POU6F1: variants seen among roughly 807,000 people sequenced by gnomAD.
The protein encoded by POU6F1 is POU domain, class 6, transcription factor 1.
In POU6F1, 9 loss-of-function variants were observed where a neutral mutation model predicts 28.9. The observed-to-expected ratio is 0.31, with a 90% CI of 0.19 to 0.54. POU6F1 has a LOEUF of 0.54. Among genes scored for constraint, POU6F1 ranks in the 20% least tolerant of loss-of-function variants. POU6F1 has a pLI of 0.94. For missense variants in POU6F1, 338 were observed against 426.1 expected, an observed-to-expected ratio of 0.79 and a Z score of 1.82; for synonymous variants, 173 against 171.1, an observed-to-expected ratio of 1.01 and a Z score of -0.09.
chr12:51,215,245 T>C (rs1944222084), intron 1 of POU6F1, among the ~76,000 whole-genome samples: 1 of 151,944 alleles, frequency 6.6e-6, no homozygotes, highest in Non-Finnish European at 1.5e-5. Flanking sequence ...CTGGGGCTAC[T>C]TAAAAATGAT....
rs1052460969 is a variant in POU6F1, at chr12:51,206,820, C to T, written c.17G>A (p.Gly6Glu). MDPGA[G>E]SETSLTVNEQ... The stretch of plus-strand genomic sequence containing the variant: ...ATTGACAGTCAGAGATGTCTCTGAC[C>T]CGGCTCCAGGATCCATGGTCACTTG... The change falls in exon 2 of 11, where the codon GGG (glycine) becomes GAG (glutamate). Residue 6 changes from glycine (G) to glutamate (E), a missense_variant. Physicochemically the swap from Gly to Glu is moderately conservative, Grantham distance 98 (BLOSUM62 -2). Around this residue, in one of 3 missense-constraint regions of POU6F1, gnomAD observed 206 missense variants for 225.6 expected, o/e 0.91. Coordinates refer to ENST00000333640, the MANE Select transcript of POU6F1 (RefSeq NM_001330422.2). 2.8e-5 allele frequency: 11 copies of T among 398,708 alleles called. No homozygotes were observed. The highest frequency in any genetic ancestry group is 4.4e-5 in the Non-Finnish European group (10 of 226,060). 24.7% of individuals were successfully genotyped at this position (398,708 alleles called of 1,614,324 possible).
At position 51,187,213 on chromosome 12, in the gene POU6F1, G is replaced by C. The variant is rs1301889478; in HGVS notation, c.*3034C>G. The stretch of plus-strand genomic sequence containing the variant: ...GAGTTCTTTCCCTGGACTTCACCTG[G>C]ATAAAATGCCGTGGTAATGCAGGGT... On this transcript the variant is annotated 3_prime_UTR_variant, in exon 11 of 11. Transcript: ENST00000333640. 6.6e-6 allele frequency: 1 copy of C among 152,196 alleles called. No individual in the cohort carries two copies. Among genetic ancestry groups the C allele is most frequent in the Non-Finnish European group, 1.5e-5 (1 of 68,040 alleles). The allele number at this position is 152,196 out of a possible 1,614,324, so 9.4% of individuals were successfully genotyped here. A position where few individuals can be genotyped will look rare whatever the true frequency, so the allele number is the denominator to read the frequency against.
chr12:51,204,488 A>G (rs1398897352), intron 2 of POU6F1, 120 bp from the exon 3 acceptor site: 1 of 397,160 alleles, frequency 2.5e-6, no homozygotes, highest in Non-Finnish European at 4.4e-6. Flanking sequence ...CCTCCTGTCC[A>G]GAGGGCTGTG....
chr12:51,214,057 C>T (rs974776917), intron 1 of POU6F1, among the ~76,000 whole-genome samples: 13 of 151,896 alleles, frequency 8.6e-5, no homozygotes, highest in Non-Finnish European at 1.3e-4. Flanking sequence ...GCAGGAGAAT[C>T]GCTTGAACCG....
rs376522286 is a variant in POU6F1, at chr12:51,192,486, A to C, written c.1180-15T>G. On this transcript the variant is annotated splice_polypyrimidine_tract_variant and intron_variant, in intron 8 of 10. Coordinates refer to ENST00000333640, the MANE Select transcript of POU6F1 (RefSeq NM_001330422.2). The stretch of plus-strand genomic sequence containing the variant: ...ATGGGCTGCACCTGTGAAAGGACAG[A>C]CAACAAGCCTTTGCTGCCCTCTGCC... 14 of 1,610,476 alleles carry C rather than the reference A, an allele frequency of 8.7e-6. No homozygotes were observed. The highest frequency in any genetic ancestry group is 2.1e-4 in the Middle Eastern group (1 of 4,872).
chr12:51,191,861 G>C (rs1430599503), intron 9 of POU6F1, 97 bp from the exon 10 acceptor site: 2 of 1,449,718 alleles, frequency 1.4e-6, no homozygotes, highest in African/African-American at 2.8e-5. Context: ...AGTGAGAGGT[G>C]AGGACACCTG....
At position 51,189,981 on chromosome 12, in the gene POU6F1, T is replaced by G. The variant is rs1942280299; in HGVS notation, c.*266A>C. 5.9e-6 allele frequency: 3 copies of G among 506,628 alleles called. No individual in the cohort carries two copies. Among genetic ancestry groups the G allele is most frequent in the Non-Finnish European group, 6.9e-6 (2 of 291,474 alleles). The allele number at this position is 506,628 out of a possible 1,614,324, so 31.4% of individuals were successfully genotyped here. A position where few individuals can be genotyped will look rare whatever the true frequency, so the allele number is the denominator to read the frequency against. On this transcript the variant is annotated 3_prime_UTR_variant, in exon 11 of 11. Coordinates refer to ENST00000333640, the MANE Select transcript of POU6F1 (RefSeq NM_001330422.2). Reference sequence around the variant, plus strand: ...TTCAGAAACCATGCTAGCAAGGTGCTTCTCTAAGTGACGTCACAAATCCTC... The same window carrying G: ...TTCAGAAACCATGCTAGCAAGGTGCGTCTCTAAGTGACGTCACAAATCCTC...
chr12:51,192,904 CA>C (rs11361026), intron 8 of POU6F1, among the ~76,000 whole-genome samples: 1,867 of 110,764 alleles, frequency 0.017, 19 homozygotes, highest in Admixed American at 0.037. Context: ...GACTCCGTCT[CA>C]AAAAAAAAAA....
At position 51,195,834 on chromosome 12, in the gene POU6F1, AC is replaced by A. The variant is rs993609700; in HGVS notation, c.1179+135del. Reference sequence around the variant, plus strand: ...ACACATGTGGGCCTTCTACTCTGGGACCTCCCCCACTTTAGGAAGCGCCCTG... The same window carrying A: ...ACACATGTGGGCCTTCTACTCTGGGACTCCCCCACTTTAGGAAGCGCCCTG... On this transcript the variant is annotated intron_variant, in intron 8 of 10. Transcript: ENST00000333640. The A allele has an allele frequency of 5.9e-6, 6 of 1,016,166 alleles. No homozygotes were observed. The African/African-American group carries it at 9.8e-5, about 17-fold the overall frequency. The allele number at this position is 1,016,166 out of a possible 1,614,324, so 62.9% of individuals were successfully genotyped here.
At chr12:51,211,586 T>C (rs113665767) in intron 1 of POU6F1, among the ~76,000 whole-genome samples, 2 of 151,928 alleles carry the variant, frequency 1.3e-5, no homozygotes, top group African/African-American at 4.8e-5. Flanking sequence ...CTACAAAAAA[T>C]TGAAAAAATA....
intron 1 of POU6F1, among the ~76,000 whole-genome samples, chr12:51,214,342 C>A (rs985390021): frequency 2.0e-5 from 3 of 152,002 alleles, no homozygotes; most frequent in African/African-American, 7.3e-5. Flanking sequence ...ACCAAGGGCA[C>A]AGGAGAGTCA....
intron 3 of POU6F1, among the ~76,000 whole-genome samples, chr12:51,203,101 G>A (rs1259692948): frequency 6.6e-6 from 1 of 152,084 alleles, no homozygotes; most frequent in Non-Finnish European, 1.5e-5. Context: ...GTTTGTGAAA[G>A]GCTTAGACAC....
chr12:51,196,159 A>G lies in POU6F1; in HGVS notation c.990T>C (p.Leu330=). 3 of 1,524,976 alleles carry G rather than the reference A, an allele frequency of 2.0e-6. No individual in the cohort carries two copies. Among genetic ancestry groups the G allele is most frequent in the Non-Finnish European group, 2.6e-6 (3 of 1,138,974 alleles). 94.5% of individuals were successfully genotyped at this position (1,524,976 alleles called of 1,614,324 possible). A position where few individuals can be genotyped will look rare whatever the true frequency, so the allele number is the denominator to read the frequency against. ...CACTAGCTGAGTTCACTACCCATGG[A>G]AGGGTTCCAATAACCTGGGAGGAAA... ...TNAQGQVIGT[L]PWVVNSASVA... The change falls in exon 8 of 11, where the codon CTT becomes CTC. Residue 330 remains leucine, a synonymous_variant. Coordinates refer to ENST00000333640, the MANE Select transcript of POU6F1 (RefSeq NM_001330422.2).
In POU6F1 at chr12:51,217,978, C is replaced by CCCCCCCCTTTTCCCT. The variant is rs1657947589; in HGVS notation, c.-399_-385dup. Among the ~76,000 whole-genome samples, 1 of 148,200 alleles carries CCCCCCCCTTTTCCCT rather than the reference C, an allele frequency of 6.7e-6. No homozygotes were observed. Among genetic ancestry groups the CCCCCCCCTTTTCCCT allele is most frequent in the Non-Finnish European group, 1.5e-5 (1 of 67,164 alleles). The stretch of plus-strand genomic sequence containing the variant: ...TTTTTCTTCGTTCCCCCTTCCACGA[C>CCCCCCCCTTTTCCCT]CCCCCCCTTTTCCCTCCCCCCCTTT... On this transcript the variant is annotated 5_prime_UTR_variant, in exon 1 of 11. Coordinates refer to ENST00000333640, the MANE Select transcript of POU6F1 (RefSeq NM_001330422.2). This position sits in a 1 kb window ranked among gnomAD's most constrained non-coding sequence, Gnocchi z 5.3.
intron 1 of POU6F1, among the ~76,000 whole-genome samples, chr12:51,213,678 C>T (rs914156565): frequency 1.3e-5 from 2 of 151,918 alleles, no homozygotes; most frequent in African/African-American, 4.8e-5. Context: ...GGACTACAGG[C>T]GCCCACCACC....
chr12:51,197,334 G>A (rs1942902005), intron 6 of POU6F1, among the ~76,000 whole-genome samples: 1 of 152,150 alleles, frequency 6.6e-6, no homozygotes, highest in Non-Finnish European at 1.5e-5. Flanking sequence ...TAATCTTTCA[G>A]GCCAGGCCTG....
intron 9 of POU6F1, 30 bp from the exon 10 acceptor site, chr12:51,191,794 T>C (rs767784983): frequency 1.9e-6 from 3 of 1,612,166 alleles, no homozygotes; most frequent in African/African-American, 2.7e-5. Context: ...CAGGGATGAG[T>C]GTGTAACATG....
chr12:51,213,617 T>C (rs548385868), intron 1 of POU6F1, among the ~76,000 whole-genome samples: 1 of 152,122 alleles, frequency 6.6e-6, no homozygotes, highest in Admixed American at 6.5e-5. Context: ...AACTGCAACC[T>C]CTGCCTCCCA....
chr12:51,199,669 A>G lies in POU6F1; in HGVS notation c.366+78T>C. On this transcript the variant is annotated intron_variant, in intron 4 of 10. Coordinates refer to ENST00000333640, the MANE Select transcript of POU6F1 (RefSeq NM_001330422.2). This position sits in a 1 kb window ranked among gnomAD's most constrained non-coding sequence, Gnocchi z 4.1. ...TGCCCCCATGAAGTTCCCAGATTCC[A>G]TGGCTTCCCCATGCTGGCTGTCCCA... 1 of 399,016 alleles carries G rather than the reference A, an allele frequency of 2.5e-6. No individual in the cohort carries two copies. Among genetic ancestry groups the G allele is most frequent in the Middle Eastern group, 6.3e-4 (1 of 1,590 alleles). 24.7% of individuals were successfully genotyped at this position (399,016 alleles called of 1,614,324 possible).
Sources: allele counts gnomAD v4.1 joint callset (sites outside exome capture counted in the v4.1 genomes callset), GRCh38; gene constraint gnomAD v4.1.1; regional missense constraint gnomAD v4.1.1; non-coding constraint Gnocchi (gnomAD v3.1); transcripts MANE v1.5; gene names NCBI Gene and HGNC (gene_info 2026-07-23, HGNC 2026-07-21).